Variants in DERL2 observed in about 807,000 individuals in gnomAD.
DERL2 encodes the protein derlin 2.
In DERL2, 13 loss-of-function variants were observed where a neutral mutation model predicts 32.0. That is an observed-to-expected ratio of 0.41 (90% CI 0.26 to 0.65). The LOEUF (loss-of-function observed/expected upper bound fraction) is 0.65, where lower values mean the gene tolerates loss of function less well. DERL2 is among the 30% of genes least tolerant of loss of function. DERL2 has a pLI of 0.35. For missense variants in DERL2, 208 were observed against 296.3 expected (o/e 0.70, Z 2.19); for synonymous variants, 111 against 104.7 (o/e 1.06, Z -0.37).
In DERL2 at chr17:5,474,748, T is replaced by C; in HGVS notation, c.656A>G (p.Asn219Ser). The part of the protein sequence containing the change: ...FDTPDEDPNY[N>S]PLPEERPGGF... ...TCCTGGCCGTTCCTCAGGTAGTGGA[T>C]TGTAATTTGGATCCTCATCTGGTGT... The change falls in exon 7 of 7, where the codon AAT (asparagine) becomes AGT (serine). Residue 219 changes from asparagine to serine, a missense_variant. This residue lies in a region of DERL2 where 40 missense variants were observed against 38.7 expected (regional missense o/e 1.03). Transcript: ENST00000158771. The surrounding 1 kb of genome is among the most constrained non-coding windows in gnomAD (Gnocchi z 4.3). 3 of 1,613,958 alleles carry C rather than the reference T, an allele frequency of 1.9e-6. No individual in the cohort carries two copies. The highest frequency in any genetic ancestry group is 2.2e-5 in the South Asian group (2 of 91,040).
At chr17:5,480,232 G>T in intron 5 of DERL2, 88 bp from the exon 6 acceptor site, 1 of 1,226,910 alleles carries the variant, frequency 8.2e-7, no homozygotes, top group Non-Finnish European at 1.2e-6. Flanking sequence ...CTATATTTAG[G>T]ATGAATGTCA....
upstream of DERL2, chr17:5,486,419 GAGTAAGT>G: frequency 2.3e-6 from 1 of 435,870 alleles, no homozygotes; most frequent in Non-Finnish European, 4.1e-6. Context: ...CGGGAAAAAC[GAGTAAGT>G]ACAGGTTCCT....
At chr17:5,476,234 C>G (rs117749129) in intron 6 of DERL2, among the ~76,000 whole-genome samples, 2,030 of 152,240 alleles carry the variant, frequency 0.013, 21 homozygotes, top group Middle Eastern at 0.017. Flanking sequence ...TCAATTTGCA[C>G]TTATATTTCT....
At position 5,481,878 on chromosome 17, in the gene DERL2, G is replaced by C. The variant is rs1905809823; in HGVS notation, c.234-489C>G. 2.0e-5 allele frequency among the ~76,000 whole-genome samples: 3 copies of C among 152,124 alleles called. No individual in the cohort carries two copies. Among genetic ancestry groups the C allele is most frequent in the African/African-American group, 4.8e-5 (2 of 41,430 alleles). ...TTGGCCAGGCTGGTCTCAAACTCCT[G>C]ACCTCGTGATCCACTGCCTTGGCCT... On this transcript the variant is annotated intron_variant, in intron 3 of 6. Coordinates refer to ENST00000158771, the MANE Select transcript of DERL2 (RefSeq NM_016041.5). This position sits in a 1 kb window ranked among gnomAD's most constrained non-coding sequence, Gnocchi z 4.4.
rs1435448358 is a variant in DERL2 at position 5,473,281 on chromosome 17, G to C, written c.*1403C>G. ...AGGGGTGCTCTTTCGACTCTTCCAG[G>C]TTCTGGAAGTTACTTAAGCAGTGTG... On this transcript the variant is annotated 3_prime_UTR_variant, in exon 7 of 7. Transcript: ENST00000158771. 1.3e-5 allele frequency: 2 copies of C among 152,162 alleles called. No homozygotes were observed. Among genetic ancestry groups the C allele is most frequent in the Non-Finnish European group, 2.9e-5 (2 of 68,042 alleles). The allele number at this position is 152,162 out of a possible 1,614,324, so 9.4% of individuals were successfully genotyped here.
chr17:5,476,651 C>G (rs941652621), intron 6 of DERL2, among the ~76,000 whole-genome samples: 5 of 152,248 alleles, frequency 3.3e-5, no homozygotes, highest in Admixed American at 6.5e-5. Context: ...TGTGGTGGCG[C>G]ATGCCTATGA....
rs1392346233 is a variant in DERL2, at chr17:5,471,587, G to GAAGTGGGAGT, written c.*3087_*3096dup. 1 of 152,212 alleles carries GAAGTGGGAGT rather than the reference G, an allele frequency of 6.6e-6. No individual in the cohort carries two copies. The highest frequency in any genetic ancestry group is 2.4e-5 in the African/African-American group (1 of 41,448). 9.4% of individuals were successfully genotyped at this position (152,212 alleles called of 1,614,324 possible). On this transcript the variant is annotated 3_prime_UTR_variant, in exon 7 of 7. Transcript: ENST00000158771. The stretch of plus-strand genomic sequence containing the variant: ...CTTAAGTTGAGGTCCCTGTTAGGTA[G>GAAGTGGGAGT]AAGTGGGAGTAAAGTTAAGAAAAAA...
chr17:5,483,050 A>AT (rs965671652), intron 2 of DERL2, among the ~76,000 whole-genome samples, 168 bp from the exon 3 acceptor site: 5 of 152,008 alleles, frequency 3.3e-5, no homozygotes, highest in Non-Finnish European at 7.4e-5. Flanking sequence ...CTGATGTTAG[A>AT]TTTTTTTTGC....
chr17:5,479,934 T>C, intron 6 of DERL2, 120 bp downstream of exon 6: 1 of 635,540 alleles, frequency 1.6e-6, no homozygotes, highest in Non-Finnish European at 2.8e-6. Context: ...ATGCTCAATC[T>C]GCAAATGGTT....
chr17:5,486,028 T>C (rs1906242692), intron 1 of DERL2, 41 bp downstream of exon 1: 1 of 1,583,850 alleles, frequency 6.3e-7, no homozygotes, highest in African/African-American at 1.3e-5. Context: ...CCCAGTCATA[T>C]CCAGCCCAGA....
upstream of DERL2, chr17:5,486,363 C>CT (rs1001075134): frequency 1.7e-3 from 853 of 506,904 alleles, 7 homozygotes; most frequent in Non-Finnish European, 2.6e-3. Context: ...ACCGCCCCCC[C>CT]CCAGCGCCCC....
intron 2 of DERL2, among the ~76,000 whole-genome samples, chr17:5,484,428 G>T (rs9898250): frequency 0.094 from 14,299 of 152,226 alleles, 839 homozygotes; most frequent in East Asian, 0.26. Flanking sequence ...TGTATTTTTA[G>T]TAAGAGACAG....
At chr17:5,486,362 C>CCG, upstream of DERL2, 1 of 507,036 alleles carries the variant, frequency 2.0e-6, no homozygotes, top group African/African-American at 2.0e-5. Flanking sequence ...CACCGCCCCC[C>CCG]CCCAGCGCCC....
At chr17:5,478,346 G>T (rs1905525830) in intron 6 of DERL2, among the ~76,000 whole-genome samples, 1 of 152,222 alleles carries the variant, frequency 6.6e-6, no homozygotes, top group Admixed American at 6.5e-5. Flanking sequence ...CTGCACTCCA[G>T]CCTGGGCAAT....
At chr17:5,476,553 G>A (rs1342830418) in intron 6 of DERL2, among the ~76,000 whole-genome samples, 1 of 152,052 alleles carries the variant, frequency 6.6e-6, no homozygotes, top group Admixed American at 6.6e-5. Flanking sequence ...AGGCCGAGGA[G>A]GGTGGATCAC....
rs767482049 is a variant in DERL2 at position 5,472,001 on chromosome 17, G to A, written c.*2683C>T. 1 of 152,092 alleles carries A rather than the reference G, an allele frequency of 6.6e-6. No individual in the cohort carries two copies. The highest frequency in any genetic ancestry group is 1.5e-5 in the Non-Finnish European group (1 of 68,034). The allele number at this position is 152,092 out of a possible 1,614,324, so 9.4% of individuals were successfully genotyped here. A position where few individuals can be genotyped will look rare whatever the true frequency, so the allele number is the denominator to read the frequency against. On this transcript the variant is annotated 3_prime_UTR_variant, in exon 7 of 7. Transcript: ENST00000158771. The stretch of plus-strand genomic sequence containing the variant: ...ACTACACAAGAGGTATGAAAGATAT[G>A]AGGACATACAAGAGTGACACAGAAA...
At position 5,477,704 on chromosome 17, in the gene DERL2, T is replaced by C. The variant is rs981010376; in HGVS notation, c.614+2350A>G. On this transcript the variant is annotated intron_variant, in intron 6 of 6. Transcript: ENST00000158771. ...CCTATAAGTTTGTTAATTTTCATAA[T>C]AAAATATTGGAGGAAACCAATAGGA... Among the ~76,000 whole-genome samples the C allele has an allele frequency of 2.0e-5, 3 of 152,194 alleles. 1 individual carries two copies. The highest frequency in any genetic ancestry group is 7.2e-5 in the African/African-American group (3 of 41,508).
intron 4 of DERL2, chr17:5,480,865 T>A: frequency 2.2e-6 from 1 of 454,746 alleles, no homozygotes; most frequent in Admixed American, 3.9e-5. Context: ...AGTCAATAAT[T>A]ATATTAAAGC....
upstream of DERL2, chr17:5,486,368 C>G: frequency 2.0e-6 from 1 of 493,946 alleles, no homozygotes; most frequent in Non-Finnish European, 3.6e-6. Flanking sequence ...CCCCCCCCAG[C>G]GCCCCATCTC....
Sources: allele counts gnomAD v4.1 joint callset (sites outside exome capture counted in the v4.1 genomes callset), GRCh38; gene constraint gnomAD v4.1.1; regional missense constraint gnomAD v4.1.1; non-coding constraint Gnocchi (gnomAD v3.1); transcripts MANE v1.5; gene names NCBI Gene and HGNC (gene_info 2026-07-23, HGNC 2026-07-21).